The following DOCK5 variants were observed in gnomAD, a reference collection of about 807,000 sequenced individuals.
DOCK5 encodes the protein dedicator of cytokinesis protein 5.
DOCK5 carries 142 observed loss-of-function variants against 251.8 expected under a neutral mutation model. That is an observed-to-expected ratio of 0.56 (90% CI 0.49 to 0.65). The LOEUF is 0.65. DOCK5 is among the 30% of genes least tolerant of loss of function. DOCK5 has a pLI of 0.00. For missense variants in DOCK5, 2,111 were observed against 2,312.3 expected, an observed-to-expected ratio of 0.91 and a Z score of 1.79; for synonymous variants, 842 against 835.5, an observed-to-expected ratio of 1.01 and a Z score of -0.13.
intron 14 of DOCK5, 50 bp from the exon 15 acceptor site, chr8:25,319,524 TCTTA>T (rs943344083): frequency 9.3e-5 from 125 of 1,342,160 alleles, no homozygotes; most frequent in Admixed American, 2.0e-4. Context: ...TATGGGGTCC[TCTTA>T]CTTTTCTAAA....
intron 1 of DOCK5, among the ~76,000 whole-genome samples, chr8:25,214,720 C>T (rs747532252): frequency 5.9e-5 from 9 of 152,118 alleles, no homozygotes; most frequent in Non-Finnish European, 1.2e-4. Flanking sequence ...CAGCAGTCAT[C>T]GGTTGGTCAT....
rs1259978724 is a variant in DOCK5, at chr8:25,411,587, G to A, written c.*289G>A. The A allele has an allele frequency of 1.0e-5, 3 of 289,598 alleles. No individual in the cohort carries two copies. Among genetic ancestry groups the A allele is most frequent in the East Asian group, 6.3e-5 (1 of 15,902 alleles). The allele number at this position is 289,598 out of a possible 1,614,324, so 17.9% of individuals were successfully genotyped here. ...ACCATTGTTAAATGTCAGCCTGTACGGCAGAGACATGGTGGTCTGCACAAG... is the reference window on the plus strand; with the variant it reads ...ACCATTGTTAAATGTCAGCCTGTACAGCAGAGACATGGTGGTCTGCACAAG... On this transcript the variant is annotated 3_prime_UTR_variant, in exon 52 of 52. Coordinates refer to ENST00000276440, the MANE Select transcript of DOCK5 (RefSeq NM_024940.8).
At chr8:25,219,899 C>G (rs1748675954) in intron 1 of DOCK5, among the ~76,000 whole-genome samples, 1 of 151,990 alleles carries the variant, frequency 6.6e-6, no homozygotes, top group African/African-American at 2.4e-5. Context: ...TACCTGGAAA[C>G]TGTCTTGTGT....
intron 44 of DOCK5, 34 bp downstream of exon 44, chr8:25,392,916 CTT>C (rs1563228822): frequency 6.6e-7 from 1 of 1,523,736 alleles, no homozygotes. Flanking sequence ...TAGAAAAAAA[CTT>C]TCTGTTTCCA....
intron 6 of DOCK5, among the ~76,000 whole-genome samples, chr8:25,292,680 G>A (rs902304644): frequency 4.6e-5 from 7 of 152,298 alleles, no homozygotes; most frequent in African/African-American, 1.7e-4. Context: ...CAAGGCTGCA[G>A]TGAGCCATGA....
intron 2 of DOCK5, among the ~76,000 whole-genome samples, chr8:25,264,218 C>T (rs1481332404): frequency 2.6e-5 from 4 of 151,434 alleles, no homozygotes; most frequent in Admixed American, 6.6e-5. Context: ...AAAAAATAGC[C>T]GGGCATGGTG....
intron 2 of DOCK5, among the ~76,000 whole-genome samples, chr8:25,250,163 C>G (rs1334069479): frequency 6.6e-6 from 1 of 152,120 alleles, no homozygotes; most frequent in Non-Finnish European, 1.5e-5. Flanking sequence ...AGCTTTGGCT[C>G]CAAAACAGGC....
At chr8:25,411,030 CAAG>C (rs775619300) in intron 51 of DOCK5, among the ~76,000 whole-genome samples, 161 bp from the exon 52 acceptor site, 6 of 146,080 alleles carry the variant, frequency 4.1e-5, no homozygotes, top group Non-Finnish European at 7.5e-5. Flanking sequence ...TCATGGGAAA[CAAG>C]GAGGATAAGT....
intron 5 of DOCK5, among the ~76,000 whole-genome samples, chr8:25,285,743 T>G (rs1250023396): frequency 6.6e-6 from 1 of 152,210 alleles, no homozygotes; most frequent in Non-Finnish European, 1.5e-5. Context: ...TAAGCTGGTC[T>G]CATGGTTTGA....
intron 2 of DOCK5, among the ~76,000 whole-genome samples, chr8:25,263,420 T>A (rs1413668163): frequency 6.6e-6 from 1 of 151,948 alleles, no homozygotes; most frequent in African/African-American, 2.4e-5. Flanking sequence ...TGAATTCATG[T>A]GGATACCTTC....
At chr8:25,388,991 C>A (rs150544307) in intron 40 of DOCK5, 100 bp from the exon 41 acceptor site, 20 of 1,125,168 alleles carry the variant, frequency 1.8e-5, no homozygotes, top group African/African-American at 1.1e-4. Flanking sequence ...GGGGATTGAA[C>A]GTTGGCTGGG....
In DOCK5 at chr8:25,197,575, C is replaced by CTTTTTTTT. The variant is rs541455591; in HGVS notation, c.43+12644_43+12651dup. Among the ~76,000 whole-genome samples, 20 of 108,272 alleles carry CTTTTTTTT rather than the reference C, an allele frequency of 1.8e-4. 3 individuals carry two copies. Among genetic ancestry groups the CTTTTTTTT allele is most frequent in the African/African-American group, 7.4e-4 (18 of 24,298 alleles). The allele number at this position is 108,272 out of a possible 152,430, so 71.0% of individuals were successfully genotyped here. The stretch of plus-strand genomic sequence containing the variant: ...CTCTCTTTAAGGATCGTGTCTTTGT[C>CTTTTTTTT]TTTTTTTTTTTTTTTTTTTTTTTTT... On this transcript the variant is annotated intron_variant, in intron 1 of 51. Coordinates refer to ENST00000276440, the MANE Select transcript of DOCK5 (RefSeq NM_024940.8).
chr8:25,220,091 A>C (rs1478101267), intron 1 of DOCK5, among the ~76,000 whole-genome samples: 2 of 150,302 alleles, frequency 1.3e-5, no homozygotes, highest in Non-Finnish European at 3.0e-5. Flanking sequence ...GATCGCTTTG[A>C]TATTATTATT....
At chr8:25,348,323 C>G (rs1485147103) in intron 26 of DOCK5, among the ~76,000 whole-genome samples, 1 of 152,158 alleles carries the variant, frequency 6.6e-6, no homozygotes, top group African/African-American at 2.4e-5. Flanking sequence ...CTGGTGTGGT[C>G]CTGCCAAATT....
At chr8:25,324,982 T>TG (rs1805525861) in intron 17 of DOCK5, among the ~76,000 whole-genome samples, 1 of 152,098 alleles carries the variant, frequency 6.6e-6, no homozygotes, top group South Asian at 2.1e-4. Context: ...GAACTCATCC[T>TG]TTTTTATGGC....
In DOCK5 at chr8:25,321,706, C is replaced by T. The variant is rs566836422; in HGVS notation, c.1615+654C>T. 2.2e-4 allele frequency among the ~76,000 whole-genome samples: 33 copies of T among 152,246 alleles called. No individual in the cohort carries two copies. The South Asian group carries it at 6.2e-3, about 29-fold the overall frequency. On this transcript the variant is annotated intron_variant, in intron 16 of 51. Coordinates refer to ENST00000276440, the MANE Select transcript of DOCK5 (RefSeq NM_024940.8). The stretch of plus-strand genomic sequence containing the variant: ...GATGAAGCTTTGCTTGCTCCTCCGC[C>T]GCTTACCTCCTGCTGTGTAGCCCAG...
At chr8:25,258,961 A>G (rs542636606) in intron 2 of DOCK5, among the ~76,000 whole-genome samples, 18 of 152,284 alleles carry the variant, frequency 1.2e-4, no homozygotes, top group Non-Finnish European at 2.2e-4. Context: ...TCTACTAAAA[A>G]TACAAAAATT....
At chr8:25,217,861 C>A (rs1347337125) in intron 1 of DOCK5, among the ~76,000 whole-genome samples, 1 of 152,220 alleles carries the variant, frequency 6.6e-6, no homozygotes, top group Non-Finnish European at 1.5e-5. Flanking sequence ...TAACGACTCT[C>A]TAACATTTGC....
chr8:25,375,965 G>A, intron 37 of DOCK5: 1 of 703,242 alleles, frequency 1.4e-6, no homozygotes, highest in Non-Finnish European at 1.7e-6. Context: ...AGGCGTGGTG[G>A]CACCTGCCTG....
Sources: allele counts gnomAD v4.1 joint callset (sites outside exome capture counted in the v4.1 genomes callset), GRCh38; gene constraint gnomAD v4.1.1; transcripts MANE v1.5; gene names NCBI Gene and HGNC (gene_info 2026-07-23, HGNC 2026-07-21).